The following SPTBN1 variants were observed in gnomAD, a reference collection of about 807,000 sequenced individuals.
SPTBN1 encodes spectrin beta chain, non-erythrocytic 1.
In SPTBN1, 32 loss-of-function variants were observed where a neutral mutation model predicts 266.4. That is an observed-to-expected ratio of 0.12 (90% CI 0.09 to 0.16). The LOEUF (loss-of-function observed/expected upper bound fraction) is 0.16, where lower values mean the gene tolerates loss of function less well. SPTBN1 is among the 10% of genes least tolerant of loss of function. SPTBN1 has a pLI of 1.00. For synonymous variants in SPTBN1, 1,336 were observed against 1,162.2 expected (o/e 1.15, Z -3.04); for missense variants, 2,296 against 3,067.1 (o/e 0.75, Z 5.94).
Position 54,668,452 on chromosome 2 carries a change from G to C in SPTBN1, c.6978G>C (p.Ala2326=). The part of the protein sequence containing the change: ...STQSTPASSR[A]QTLPTSVVTI... ...AGAGCACGCCAGCATCCAGCCGCGCGCAGACCCTCCCCACCAGCGTCGTCA... is the reference window on the plus strand; with the variant it reads ...AGAGCACGCCAGCATCCAGCCGCGCCCAGACCCTCCCCACCAGCGTCGTCA... The change falls in exon 36 of 36, where the codon GCG becomes GCC. Residue 2326 remains alanine (A), a synonymous_variant. Coordinates refer to ENST00000356805, the MANE Select transcript of SPTBN1 (RefSeq NM_003128.3). 1 of 1,614,174 alleles carries C rather than the reference G, an allele frequency of 6.2e-7. No homozygotes were observed. The highest frequency in any genetic ancestry group is 1.1e-5 in the South Asian group (1 of 91,082).
rs1268250444 is a variant in SPTBN1 at position 54,653,163 on chromosome 2, A to G, written c.5578-446A>G. The G allele has an allele frequency of 6.4e-6, 1 of 155,736 alleles. No homozygotes were observed. Among genetic ancestry groups the G allele is most frequent in the African/African-American group, 2.4e-5 (1 of 41,480 alleles). The allele number at this position is 155,736 out of a possible 1,614,324, so 9.6% of individuals were successfully genotyped here. Reference sequence around the variant, plus strand: ...GTGAGAACTCTTACAGGCGATACATACATTGTATTCACATAGCAATGAGAA... The same window carrying G: ...GTGAGAACTCTTACAGGCGATACATGCATTGTATTCACATAGCAATGAGAA... On this transcript the variant is annotated intron_variant, in intron 26 of 35. Coordinates refer to ENST00000356805, the MANE Select transcript of SPTBN1 (RefSeq NM_003128.3). The surrounding 1 kb of genome is among the most constrained non-coding windows in gnomAD (Gnocchi z 5.1).
intron 2 of SPTBN1, chr2:54,529,873 A>G (rs1671104611): frequency 7.2e-6 from 3 of 416,576 alleles, no homozygotes; most frequent in South Asian, 6.4e-5. Context: ...AAAAAAAAAA[A>G]AAAAAAAAAA....
intron 2 of SPTBN1, among the ~76,000 whole-genome samples, chr2:54,576,054 G>GTTTTT (rs1674442017): frequency 2.5e-5 from 1 of 40,564 alleles, no homozygotes; most frequent in African/African-American, 1.0e-4. Context: ...CTCAGATCCA[G>GTTTTT]CTTTTTTTTT....
chr2:54,611,249 C>T (rs1677192545), intron 3 of SPTBN1, among the ~76,000 whole-genome samples: 1 of 152,038 alleles, frequency 6.6e-6, no homozygotes, highest in African/African-American at 2.4e-5. Context: ...TGAATCTTTT[C>T]AAATTGTCAC....
chr2:54,456,689 C>A (rs1458319780), intron 1 of SPTBN1, among the ~76,000 whole-genome samples, 171 bp downstream of exon 1: 1 of 150,926 alleles, frequency 6.6e-6, no homozygotes, highest in Non-Finnish European at 1.5e-5. Flanking sequence ...GGCTGCAAAG[C>A]CCGGGCGGGG....
chr2:54,590,901 A>C (rs1450001798), intron 2 of SPTBN1, among the ~76,000 whole-genome samples: 1 of 152,166 alleles, frequency 6.6e-6, no homozygotes, highest in Non-Finnish European at 1.5e-5. Flanking sequence ...TGCAACTTTG[A>C]AAAACCACTG....
intron 2 of SPTBN1, among the ~76,000 whole-genome samples, chr2:54,585,445 A>G (rs777402819): frequency 3.3e-5 from 5 of 152,220 alleles, no homozygotes; most frequent in South Asian, 4.1e-4. Context: ...AAACAAGGCA[A>G]TGTACATTGG....
intron 4 of SPTBN1, among the ~76,000 whole-genome samples, chr2:54,615,328 T>C (rs930813346): frequency 6.6e-6 from 1 of 152,196 alleles, no homozygotes; most frequent in African/African-American, 2.4e-5. Context: ...TTAAAATGGC[T>C]ACAGCTGGAG....
At chr2:54,665,812 G>A in intron 33 of SPTBN1, 103 bp from the exon 34 acceptor site, 1 of 1,317,396 alleles carries the variant, frequency 7.6e-7, no homozygotes, top group Non-Finnish European at 1.0e-6. Context: ...GGGTCACACT[G>A]TGTTGTGTGA....
In SPTBN1 at chr2:54,526,418, G is replaced by A; in HGVS notation, c.-1G>A. On this transcript the variant is annotated 5_prime_UTR_variant, in exon 2 of 36. Coordinates refer to ENST00000356805, the MANE Select transcript of SPTBN1 (RefSeq NM_003128.3). ...TGGAGGAGCAGCTGAGACAGTTCAA[G>A]ATGACGACCACAGTAGCCACAGACT... 1 of 1,614,012 alleles carries A rather than the reference G, an allele frequency of 6.2e-7. No individual in the cohort carries two copies. Among genetic ancestry groups the A allele is most frequent in the Non-Finnish European group, 8.5e-7 (1 of 1,179,952 alleles).
intron 17 of SPTBN1, among the ~76,000 whole-genome samples, chr2:54,636,596 G>T (rs1021286401): frequency 6.6e-6 from 1 of 152,198 alleles, no homozygotes; most frequent in African/African-American, 2.4e-5. Context: ...AGCAGCACGT[G>T]TTCACCAAGC....
rs114095152 is a variant in SPTBN1, at chr2:54,529,539, C to T, written c.148+2973C>T. On this transcript the variant is annotated intron_variant, in intron 2 of 35. Transcript: ENST00000356805. ...CCGCCCAGATATCCTCGGAAGACCA[C>T]CCCCAGGAGAAACAAGCTTGACCAC... 428 of 712,078 alleles carry T rather than the reference C, an allele frequency of 6.0e-4. No homozygotes were observed. The African/African-American group carries it at 6.9e-3, about 12-fold the overall frequency. The allele number at this position is 712,078 out of a possible 1,614,324, so 44.1% of individuals were successfully genotyped here.
At chr2:54,487,624 TTAA>T (rs1668467696) in intron 1 of SPTBN1, among the ~76,000 whole-genome samples, 1 of 152,268 alleles carries the variant, frequency 6.6e-6, no homozygotes, top group East Asian at 1.9e-4. Context: ...TTAATAATTA[TTAA>T]TGTCAGTCTA....
At chr2:54,466,213 A>T (rs1693622900) in intron 1 of SPTBN1, among the ~76,000 whole-genome samples, 1 of 152,208 alleles carries the variant, frequency 6.6e-6, no homozygotes, top group Non-Finnish European at 1.5e-5. Flanking sequence ...AGGCAGTAAA[A>T]TATGTATTAG....
chr2:54,619,055 T>C (rs1472943759), intron 7 of SPTBN1, among the ~76,000 whole-genome samples: 2 of 152,234 alleles, frequency 1.3e-5, no homozygotes, highest in Admixed American at 6.5e-5. Context: ...GCTGGAGATA[T>C]ATAGATCCTC....
intron 2 of SPTBN1, among the ~76,000 whole-genome samples, chr2:54,594,900 T>TCTCGG (rs1675963381): frequency 1.5e-5 from 2 of 137,554 alleles, no homozygotes; most frequent in Admixed American, 1.6e-4. Context: ...AATGGCACAA[T>TCTCGG]CTCGGCTCAC....
At chr2:54,597,664 C>T (rs1403807690) in intron 2 of SPTBN1, among the ~76,000 whole-genome samples, 1 of 152,152 alleles carries the variant, frequency 6.6e-6, no homozygotes, top group Non-Finnish European at 1.5e-5. Flanking sequence ...CATTCCCTCC[C>T]TGTGGTGGGT....
At position 54,628,062 on chromosome 2, in the gene SPTBN1, T is replaced by G; in HGVS notation, c.1645-35T>G. ...TGTGATGCTGAAGTCAAGGCTATAGTCACAGATGTCCTTTTGGTTGCTTCT... is the reference window on the plus strand; with the variant it reads ...TGTGATGCTGAAGTCAAGGCTATAGGCACAGATGTCCTTTTGGTTGCTTCT... On this transcript the variant is annotated intron_variant, in intron 12 of 35. Coordinates refer to ENST00000356805, the MANE Select transcript of SPTBN1 (RefSeq NM_003128.3). This position sits in a 1 kb window ranked among gnomAD's most constrained non-coding sequence, Gnocchi z 4.3. The G allele has an allele frequency of 6.3e-7, 1 of 1,583,244 alleles. No individual in the cohort carries two copies. The highest frequency in any genetic ancestry group is 8.6e-7 in the Non-Finnish European group (1 of 1,164,108).
intron 1 of SPTBN1, among the ~76,000 whole-genome samples, chr2:54,485,570 G>A (rs1453460556): frequency 6.6e-6 from 1 of 152,166 alleles, no homozygotes; most frequent in Non-Finnish European, 1.5e-5. Context: ...GCCTGCCTTG[G>A]CCTCCCAAAG....
Sources: gnomAD v4.1 joint callset for allele counts (sites outside exome capture counted in the v4.1 genomes callset) on GRCh38, gnomAD v4.1.1 for gene constraint, Gnocchi (gnomAD v3.1) non-coding constraint, MANE v1.5 for transcripts, NCBI Gene and HGNC (gene_info 2026-07-23, HGNC 2026-07-21) for gene names.